Variants in LRP3 observed in about 807,000 individuals in gnomAD.
LRP3 encodes LDL receptor related protein 3.
In LRP3, 49 loss-of-function variants were observed where a neutral mutation model predicts 58.5. That is an observed-to-expected ratio of 0.84 (90% CI 0.67 to 1.06). The LOEUF is 1.06. Among genes scored for constraint, LRP3 ranks in the 50% least tolerant of loss-of-function variants. LRP3 has a pLI of 0.00. For missense variants in LRP3, 1,019 were observed against 1,134.2 expected (o/e 0.90, Z 1.46); for synonymous variants, 485 against 492.2 (o/e 0.99, Z 0.20).
In LRP3 at chr19:33,204,868, G is replaced by T; in HGVS notation, c.475+16G>T. 6.2e-7 allele frequency: 1 copy of T among 1,610,058 alleles called. No homozygotes were observed. On this transcript the variant is annotated intron_variant, in intron 4 of 6. Transcript: ENST00000253193. The stretch of plus-strand genomic sequence containing the variant: ...TACATCCGAGGTGATGGAGGCTGCA[G>T]GGCAGGCAGGACACCACGGAGCACA...
At chr19:33,197,105 C>A (rs981195145) in intron 2 of LRP3, among the ~76,000 whole-genome samples, 2 of 152,176 alleles carry the variant, frequency 1.3e-5, no homozygotes, top group African/African-American at 2.4e-5. Context: ...GAATTGACAT[C>A]TTGTGCCTCA....
At chr19:33,203,216 G>GTGTGTGTGCATGCAGA (rs1491142033) in intron 3 of LRP3, among the ~76,000 whole-genome samples, 1 of 152,114 alleles carries the variant, frequency 6.6e-6, no homozygotes, top group African/African-American at 2.4e-5. Context: ...TTGTGAGTAG[G>GTGTGTGTGCATGCAGA]TGTGTGTGCA....
chr19:33,206,770 A>G (rs978778798), intron 6 of LRP3, 37 bp downstream of exon 6: 8 of 1,499,058 alleles, frequency 5.3e-6, no homozygotes, highest in Non-Finnish European at 7.1e-6. Flanking sequence ...CTCCGGGGCC[A>G]CTTGGGACAG....
Position 33,205,358 on chromosome 19 carries a change from T to G in LRP3, c.588T>G (p.Asp196Glu), listed in dbSNP as rs781023785. 4 of 1,605,798 alleles carry G rather than the reference T, an allele frequency of 2.5e-6. No individual in the cohort carries two copies. In the African/African-American group the frequency reaches 4.0e-5, roughly 16 times the overall value. Residue 196 changes from aspartate to glutamate, a missense_variant, in exon 5 of 7, where the codon GAT becomes GAG. Physicochemically the swap from Asp to Glu is conservative, Grantham distance 45. This residue lies in a region of LRP3 where 592 missense variants were observed against 725.5 expected (regional missense o/e 0.82). Coordinates refer to ENST00000253193, the MANE Select transcript of LRP3 (RefSeq NM_002333.4). ...NTVDECGDGS[D>E]EGNCSAPASE... ...TGGACGAGTGTGGAGACGGCTCTGA[T>G]GAGGGCAACTGCTCGGCGCCCGCCT...
intron 2 of LRP3, among the ~76,000 whole-genome samples, chr19:33,197,950 C>T (rs909137236): frequency 2.6e-5 from 4 of 152,174 alleles, no homozygotes; most frequent in African/African-American, 7.2e-5. Flanking sequence ...GGCTCAAGGC[C>T]GGGCCTTGCT....
intron 1 of LRP3, among the ~76,000 whole-genome samples, chr19:33,196,430 C>T (rs888493115): frequency 6.6e-6 from 1 of 152,240 alleles, no homozygotes; most frequent in Non-Finnish European, 1.5e-5. Flanking sequence ...TAGTGGTGCA[C>T]ACCTGTAGTT....
chr19:33,208,850 A>G lies in LRP3; in HGVS notation c.*1275A>G. ...TGCCAAAACACCTCCTCAATAAACA[A>G]CATGTAAACAGAAACAACTGCTTCA... On this transcript the variant is annotated 3_prime_UTR_variant, in exon 7 of 7. Transcript: ENST00000253193. This position sits in a 1 kb window ranked among gnomAD's most constrained non-coding sequence, Gnocchi z 4.7. 6.2e-7 allele frequency: 1 copy of G among 1,612,046 alleles called. No individual in the cohort carries two copies. Among genetic ancestry groups the G allele is most frequent in the South Asian group, 1.1e-5 (1 of 91,024 alleles).
chr19:33,199,454 C>G (rs1466370350), intron 2 of LRP3, among the ~76,000 whole-genome samples: 1 of 144,102 alleles, frequency 6.9e-6, no homozygotes, highest in African/African-American at 2.6e-5. Flanking sequence ...GCCTGGGAGA[C>G]AGAGCAAGAT....
chr19:33,197,028 A>G (rs771612135), intron 2 of LRP3, among the ~76,000 whole-genome samples: 8 of 152,204 alleles, frequency 5.3e-5, no homozygotes, highest in Non-Finnish European at 7.3e-5. Flanking sequence ...CCAGTGAGGC[A>G]AGCTCTTAGT....
chr19:33,203,258 T>C (rs1376381214), intron 3 of LRP3, among the ~76,000 whole-genome samples: 1 of 151,640 alleles, frequency 6.6e-6, no homozygotes, highest in Non-Finnish European at 1.5e-5. Flanking sequence ...TAGGCGTGTG[T>C]AGGTATTTGA....
chr19:33,196,926 G>T, intron 2 of LRP3, 149 bp downstream of exon 2: 1 of 730,442 alleles, frequency 1.4e-6, no homozygotes, highest in South Asian at 1.6e-5. Context: ...GCTTTGGACA[G>T]GCTTCAACTT....
Position 33,205,514 on chromosome 19 carries a change from C to A in LRP3, c.744C>A (p.Gly248=). ...QDCGDGSDEA[G]CPDLACGRRL... ...GCGGCGACGGCTCGGATGAGGCGGGCTGCCCCGACCTGGCGTGCGGCCGGC... is the reference window on the plus strand; with the variant it reads ...GCGGCGACGGCTCGGATGAGGCGGGATGCCCCGACCTGGCGTGCGGCCGGC... The change falls in exon 5 of 7, where the codon GGC becomes GGA. Residue 248 remains glycine, a synonymous_variant. Coordinates refer to ENST00000253193, the MANE Select transcript of LRP3 (RefSeq NM_002333.4). 6.5e-7 allele frequency: 1 copy of A among 1,549,284 alleles called. No homozygotes were observed. The highest frequency in any genetic ancestry group is 1.2e-5 in the South Asian group (1 of 81,736).
intron 2 of LRP3, among the ~76,000 whole-genome samples, chr19:33,201,771 T>C (rs1029082973): frequency 5.3e-5 from 8 of 150,898 alleles, no homozygotes; most frequent in South Asian, 2.1e-4. Flanking sequence ...GGGTGGGAGG[T>C]GTGGTCAAGT....
chr19:33,203,123 G>T, intron 3 of LRP3, 137 bp downstream of exon 3: 1 of 1,079,694 alleles, frequency 9.3e-7, no homozygotes, highest in Non-Finnish European at 1.3e-6. Flanking sequence ...GTGGGATCAT[G>T]TGCATGTGTG....
At position 33,206,579 on chromosome 19, in the gene LRP3, G is replaced by A. The variant is rs1344102001; in HGVS notation, c.1593-22G>A. 2.5e-6 allele frequency: 4 copies of A among 1,602,452 alleles called. No individual in the cohort carries two copies. The South Asian group carries it at 3.3e-5, about 13-fold the overall frequency. ...AGGTCCCGGGCAGCCCAGTCATGTC[G>A]CCCTCCGCCCACTGCTTCTAGGGCC... On this transcript the variant is annotated intron_variant, in intron 5 of 6. Transcript: ENST00000253193.
chr19:33,208,258 G>T lies in LRP3; in HGVS notation c.*683G>T, dbSNP rs1021429279. On this transcript the variant is annotated 3_prime_UTR_variant, in exon 7 of 7. Transcript: ENST00000253193. The surrounding 1 kb of genome is among the most constrained non-coding windows in gnomAD (Gnocchi z 4.7). ...CCGAGGCACCAACAGCAGTGGCCAC[G>T]TCTGTTCCATCCTATCTCAGGGCCT... The T allele has an allele frequency of 6.0e-6, 1 of 165,732 alleles. No individual in the cohort carries two copies. The highest frequency in any genetic ancestry group is 2.4e-5 in the African/African-American group (1 of 41,498). The allele number at this position is 165,732 out of a possible 1,614,324, so 10.3% of individuals were successfully genotyped here.
At position 33,204,654 on chromosome 19, in the gene LRP3, G is replaced by A. The variant is rs544116142; in HGVS notation, c.277G>A (p.Val93Met). The A allele has an allele frequency of 3.8e-5, 61 of 1,606,118 alleles. No homozygotes were observed. The highest frequency in any genetic ancestry group is 4.8e-5 in the Non-Finnish European group (57 of 1,179,100). Reference sequence around the variant, plus strand: ...CCCCCGCAGCTTCCGCAACTTTGACGTGGAGGAGTCCCACCAGTGCTCCCT... The same window carrying A: ...CCCCCGCAGCTTCCGCAACTTTGACATGGAGGAGTCCCACCAGTGCTCCCT... ...MITISFRNFD[V>M]EESHQCSLDW... is the part of the protein sequence containing the mutation. Residue 93 changes from valine (V) to methionine (M), a missense_variant, in exon 4 of 7, where the codon GTG becomes ATG. By Grantham distance (21) the Val-to-Met change is conservative. This residue lies in a region of LRP3 where 592 missense variants were observed against 725.5 expected (regional missense o/e 0.82). Coordinates refer to ENST00000253193, the MANE Select transcript of LRP3 (RefSeq NM_002333.4).
chr19:33,205,993 G>T lies in LRP3; in HGVS notation c.1223G>T (p.Arg408Leu), dbSNP rs762014338. 1 of 1,574,110 alleles carries T rather than the reference G, an allele frequency of 6.4e-7. No individual in the cohort carries two copies. The highest frequency in any genetic ancestry group is 1.1e-5 in the South Asian group (1 of 87,608). ...GGCTGGTGGCATTGTGCCAGCGGCCGAGACGAGCAGGGCTGCCCTGCCTGC... is the reference window on the plus strand; with the variant it reads ...GGCTGGTGGCATTGTGCCAGCGGCCTAGACGAGCAGGGCTGCCCTGCCTGC... Reference protein sequence around the residue: ...CDGWWHCASGRDEQGCPACPP... With the variant: ...CDGWWHCASGLDEQGCPACPP... Residue 408 changes from arginine to leucine, a missense_variant, in exon 5 of 7, where the codon CGA becomes CTA. By Grantham distance (102) the Arg-to-Leu change is moderately radical. This residue lies in a region of LRP3 where 592 missense variants were observed against 725.5 expected (regional missense o/e 0.82). Coordinates refer to ENST00000253193, the MANE Select transcript of LRP3 (RefSeq NM_002333.4).
Position 33,206,688 on chromosome 19 carries a change from C to A in LRP3, c.1680C>A (p.Gly560=). Residue 560 remains glycine (G), a synonymous_variant, in exon 6 of 7, where the codon GGC becomes GGA. Transcript: ENST00000253193. The part of the protein sequence containing the change: ...PPSYGQLIAQ[G]LIPPVEDFPV... Reference sequence around the variant, plus strand: ...CCTATGGTCAGCTCATCGCCCAGGGCCTCATTCCACCCGTGGAGGACTTTC... The same window carrying A: ...CCTATGGTCAGCTCATCGCCCAGGGACTCATTCCACCCGTGGAGGACTTTC... The A allele has an allele frequency of 6.4e-7, 1 of 1,552,174 alleles. No individual in the cohort carries two copies. Among genetic ancestry groups the A allele is most frequent in the Admixed American group, 2.0e-5 (1 of 49,848 alleles).
Sources: allele counts gnomAD v4.1 joint callset (sites outside exome capture counted in the v4.1 genomes callset), GRCh38; gene constraint gnomAD v4.1.1; regional missense constraint gnomAD v4.1.1; non-coding constraint Gnocchi (gnomAD v3.1); transcripts MANE v1.5; gene names NCBI Gene and HGNC (gene_info 2026-07-23, HGNC 2026-07-21).